PLEKHA6: variants seen among roughly 807,000 people sequenced by gnomAD.
PLEKHA6 encodes the protein pleckstrin homology domain-containing family A member 6.
A neutral mutation model predicts 116.7 loss-of-function variants in PLEKHA6; 60 were observed. That is an observed-to-expected ratio of 0.51 (90% CI 0.42 to 0.64). The LOEUF is 0.64. PLEKHA6 is among the 30% of genes least tolerant of loss of function. The pLI is 0.00. For synonymous variants in PLEKHA6, 489 were observed against 556.1 expected (o/e 0.88, Z 1.70); for missense variants, 1,338 against 1,422.7 (o/e 0.94, Z 0.96).
rs1659656266 is a variant in PLEKHA6, at chr1:204,221,694, C to T, written c.*1094G>A. On this transcript the variant is annotated 3_prime_UTR_variant, in exon 23 of 23. Coordinates refer to ENST00000272203, the MANE Select transcript of PLEKHA6 (RefSeq NM_014935.5). ...AAGGCTGACCACACCCTACATAAGA[C>T]AAGTCCTTCTCTCTGCCCCTTACCC... is the stretch of plus-strand genomic sequence containing the variant. 6.6e-6 allele frequency: 1 copy of T among 152,486 alleles called. No individual in the cohort carries two copies. The highest frequency in any genetic ancestry group is 2.1e-4 in the South Asian group (1 of 4,836). The allele number at this position is 152,486 out of a possible 1,614,324, so 9.4% of individuals were successfully genotyped here. A position where few individuals can be genotyped will look rare whatever the true frequency, so the allele number is the denominator to read the frequency against.
chr1:204,284,724 T>C (rs545493229), intron 1 of PLEKHA6, among the ~76,000 whole-genome samples: 30 of 151,866 alleles, frequency 2.0e-4, no homozygotes, highest in African/African-American at 7.2e-4. Flanking sequence ...GGACAGCGTG[T>C]GGATTGTCCT....
At chr1:204,284,186 G>A (rs941128688) in intron 1 of PLEKHA6, among the ~76,000 whole-genome samples, 1 of 152,220 alleles carries the variant, frequency 6.6e-6, no homozygotes, top group African/African-American at 2.4e-5. Context: ...TTTGCCCTGG[G>A]AAGAGGAAAG....
intron 1 of PLEKHA6, among the ~76,000 whole-genome samples, chr1:204,348,935 A>G (rs1198039615): frequency 1.3e-5 from 2 of 152,184 alleles, no homozygotes; most frequent in African/African-American, 4.8e-5. Flanking sequence ...GTCTGCCCTC[A>G]CAGTGAGGTC....
At chr1:204,299,383 C>G (rs1201003201) in intron 1 of PLEKHA6, among the ~76,000 whole-genome samples, 1 of 152,180 alleles carries the variant, frequency 6.6e-6, no homozygotes, top group Non-Finnish European at 1.5e-5. Flanking sequence ...TCAGAGAAAG[C>G]AGGTGAGCTT....
At chr1:204,235,106 A>C (rs1661849799) in intron 17 of PLEKHA6, among the ~76,000 whole-genome samples, 1 of 149,664 alleles carries the variant, frequency 6.7e-6, no homozygotes, top group Non-Finnish European at 1.5e-5. Context: ...ATGAACCCTA[A>C]TTAATACAGA....
Position 204,228,326 on chromosome 1 carries a change from C to T in PLEKHA6, c.2886-98G>A, listed in dbSNP as rs1258823549. The T allele has an allele frequency of 2.4e-6, 3 of 1,230,634 alleles. No individual in the cohort carries two copies. The highest frequency in any genetic ancestry group is 2.3e-5 in the Admixed American group (1 of 44,318). The allele number at this position is 1,230,634 out of a possible 1,614,324, so 76.2% of individuals were successfully genotyped here. ...CTGAGGTTGGCAGGGAGGGCCAGGG[C>T]CCCGTGAATGTGCAGTCTCTGGTTC... On this transcript the variant is annotated intron_variant, in intron 20 of 22. Coordinates refer to ENST00000272203, the MANE Select transcript of PLEKHA6 (RefSeq NM_014935.5). This position sits in a 1 kb window ranked among gnomAD's most constrained non-coding sequence, Gnocchi z 4.0.
rs1379863849 is a variant in PLEKHA6, at chr1:204,220,056, T to G, written c.*2732A>C. On this transcript the variant is annotated 3_prime_UTR_variant, in exon 23 of 23. Transcript: ENST00000272203. The stretch of plus-strand genomic sequence containing the variant: ...AGTCCAAGGAACTTGTATGTGTCTG[T>G]GCTACAGGGCCAGGGATGGCCCAGA... The G allele has an allele frequency of 6.6e-6, 1 of 152,228 alleles. No individual in the cohort carries two copies. The highest frequency in any genetic ancestry group is 1.5e-5 in the Non-Finnish European group (1 of 68,060). 9.4% of individuals were successfully genotyped at this position (152,228 alleles called of 1,614,324 possible).
At chr1:204,311,184 T>C (rs1671644796) in intron 1 of PLEKHA6, among the ~76,000 whole-genome samples, 1 of 152,218 alleles carries the variant, frequency 6.6e-6, no homozygotes, top group Non-Finnish European at 1.5e-5. Flanking sequence ...GGTAGCCTGC[T>C]CCATTGTTGA....
chr1:204,325,908 G>T (rs960468286), intron 1 of PLEKHA6: 1 of 985,122 alleles, frequency 1.0e-6, no homozygotes, highest in East Asian at 1.1e-4. Context: ...GGCTGCCAAA[G>T]CCAAGCACCG....
chr1:204,341,051 T>C (rs114261425), intron 1 of PLEKHA6, among the ~76,000 whole-genome samples: 1 of 152,170 alleles, frequency 6.6e-6, no homozygotes, highest in African/African-American at 2.4e-5. Flanking sequence ...ACCCGGTGCC[T>C]GGCCACGGTG....
In PLEKHA6 at chr1:204,247,369, G is replaced by A. The variant is rs201432117; in HGVS notation, c.1916C>T (p.Thr639Ile). Reference sequence around the variant, plus strand: ...AGCTCAGGGGCCCTTCTTCACCTGGGTGTCCAAATTGAGCTGCTCCCAGAG... The same window carrying A: ...AGCTCAGGGGCCCTTCTTCACCTGGATGTCCAAATTGAGCTGCTCCCAGAG... ...DDLWEQLNLDTQNEVLNRQIQ... is the reference protein window; with the variant it reads ...DDLWEQLNLDIQNEVLNRQIQ... Residue 639 changes from threonine to isoleucine, a missense_variant, in exon 13 of 23, where the codon ACC (threonine) becomes ATC (isoleucine). Thr to Ile is a moderately conservative substitution (Grantham distance 89). This residue lies in a region of PLEKHA6 where 1,136 missense variants were observed against 1,163.6 expected (regional missense o/e 0.98). Coordinates refer to ENST00000272203, the MANE Select transcript of PLEKHA6 (RefSeq NM_014935.5). 3.7e-6 allele frequency: 6 copies of A among 1,604,658 alleles called. No homozygotes were observed. In the Admixed American group the frequency reaches 5.0e-5, roughly 13 times the overall value.
At chr1:204,243,143 G>A (rs1663087851) in intron 15 of PLEKHA6, 1 of 399,432 alleles carries the variant, frequency 2.5e-6, no homozygotes, top group Non-Finnish European at 4.4e-6. Context: ...CCACTGCGGT[G>A]CCAGGAAGGG....
upstream of PLEKHA6, among the ~76,000 whole-genome samples, chr1:204,363,665 T>G (rs1442664015): frequency 6.6e-6 from 1 of 152,080 alleles, no homozygotes; most frequent in Non-Finnish European, 1.5e-5. Context: ...GAATGGGTGT[T>G]ACATAGCTAG....
intron 3 of PLEKHA6, among the ~76,000 whole-genome samples, chr1:204,365,490 G>A (rs1673630914): frequency 6.6e-6 from 1 of 152,212 alleles, no homozygotes; most frequent in African/African-American, 2.4e-5. Flanking sequence ...GAGCGGGAAA[G>A]GTTGAGGGTA....
At chr1:204,256,676 CT>C in intron 9 of PLEKHA6, 1 of 426,132 alleles carries the variant, frequency 2.3e-6, no homozygotes, top group Non-Finnish European at 4.1e-6. Context: ...CCAGAGGCTG[CT>C]AAAAACCAGC....
At chr1:204,359,962 C>G (rs942644998), upstream of PLEKHA6, 1 of 152,604 alleles carries the variant, frequency 6.6e-6, no homozygotes, top group African/African-American at 2.4e-5. Flanking sequence ...TCGGCTCCCC[C>G]GGGGATTTCA....
At chr1:204,225,060 A>G (rs1430680034) in intron 21 of PLEKHA6, among the ~76,000 whole-genome samples, 1 of 152,234 alleles carries the variant, frequency 6.6e-6, no homozygotes, top group East Asian at 1.9e-4. Context: ...GGAGATTAGA[A>G]ACAGGAAAAT....
Position 204,238,044 on chromosome 1 carries a change from C to A in PLEKHA6, c.2409+3331G>T, listed in dbSNP as rs1287781493. Among the ~76,000 whole-genome samples, 1 of 152,138 alleles carries A rather than the reference C, an allele frequency of 6.6e-6. No individual in the cohort carries two copies. Among genetic ancestry groups the A allele is most frequent in the Non-Finnish European group, 1.5e-5 (1 of 68,040 alleles). ...GAAGGATATGTTGCTGCATTTGGCCCCTCCTACAACCAAGAAAGAGGCACA... is the reference window on the plus strand; with the variant it reads ...GAAGGATATGTTGCTGCATTTGGCCACTCCTACAACCAAGAAAGAGGCACA... On this transcript the variant is annotated intron_variant, in intron 17 of 22. Coordinates refer to ENST00000272203, the MANE Select transcript of PLEKHA6 (RefSeq NM_014935.5). The surrounding 1 kb of genome is among the most constrained non-coding windows in gnomAD (Gnocchi z 4.2).
chr1:204,227,895 C>G (rs1027898453), intron 21 of PLEKHA6, among the ~76,000 whole-genome samples, 188 bp downstream of exon 21: 3 of 152,188 alleles, frequency 2.0e-5, no homozygotes, highest in Admixed American at 6.5e-5. Flanking sequence ...AACTCTGGCC[C>G]CTTTGCACCT....
Sources: allele counts gnomAD v4.1 joint callset (sites outside exome capture counted in the v4.1 genomes callset), GRCh38; gene constraint gnomAD v4.1.1; regional missense constraint gnomAD v4.1.1; non-coding constraint Gnocchi (gnomAD v3.1); transcripts MANE v1.5; gene names NCBI Gene and HGNC (gene_info 2026-07-23, HGNC 2026-07-21).